The following SHANK2 variants were observed in gnomAD, a reference collection of about 807,000 sequenced individuals.
SHANK2 encodes SH3 and multiple ankyrin repeat domains protein 2.
Under a neutral mutation model 133.7 loss-of-function variants are expected in SHANK2, and 43 were observed. That is an observed-to-expected ratio of 0.32 (90% CI 0.25 to 0.41). The LOEUF (loss-of-function observed/expected upper bound fraction) is 0.41. SHANK2 is among the 10% of genes least tolerant of loss of function. The pLI is 1.00. For synonymous variants in SHANK2, 1,017 were observed against 952.8 expected (o/e 1.07, Z -1.24); for missense variants, 1,994 against 2,235.8 (o/e 0.89, Z 2.18).
Position 70,500,708 on chromosome 11 carries a change from G to C in SHANK2, c.2288-118C>G, listed in dbSNP as rs782037913. Reference sequence around the variant, plus strand: ...GAGCAGGCTGGGCCGGCAATGGGGCGGCAGGCAGGGGCTGTCTGGAACGCT... The same window carrying C: ...GAGCAGGCTGGGCCGGCAATGGGGCCGCAGGCAGGGGCTGTCTGGAACGCT... On this transcript the variant is annotated intron_variant, in intron 20 of 25. Transcript: ENST00000601538. The surrounding 1 kb of genome is among the most constrained non-coding windows in gnomAD (Gnocchi z 4.5). 7.5e-7 allele frequency: 1 copy of C among 1,327,468 alleles called. No individual in the cohort carries two copies. Among genetic ancestry groups the C allele is most frequent in the Non-Finnish European group, 1.1e-6 (1 of 942,328 alleles). 82.2% of individuals were successfully genotyped at this position (1,327,468 alleles called of 1,614,324 possible).
chr11:70,529,127 A>G (rs2059436406), intron 17 of SHANK2, among the ~76,000 whole-genome samples: 2 of 152,088 alleles, frequency 1.3e-5, no homozygotes, highest in African/African-American at 4.8e-5. Context: ...GTGCCTGGGG[A>G]GCCAGTGGCA....
intron 11 of SHANK2, chr11:70,863,526 T>C (rs1316003718): frequency 1.5e-5 from 7 of 457,894 alleles, no homozygotes; most frequent in East Asian, 1.4e-4. Context: ...CCTGCTCCCA[T>C]GCAAATCCTC....
At position 70,836,492 on chromosome 11, in the gene SHANK2, G is replaced by A. The variant is rs931019523; in HGVS notation, c.1175-15810C>T. ...GAAAGGACTTCCTGTGGGTGGCCCC[G>A]GGTGCCACCCAAGGCCTGGACCTCT... is the stretch of plus-strand genomic sequence containing the variant. On this transcript the variant is annotated intron_variant, in intron 11 of 25. Transcript: ENST00000601538. Among the ~76,000 whole-genome samples, 8 of 152,304 alleles carry A rather than the reference G, an allele frequency of 5.3e-5. No homozygotes were observed. The East Asian group carries it at 5.8e-4, about 11-fold the overall frequency.
At chr11:71,176,909 G>A (rs1953458375) in intron 2 of SHANK2, among the ~76,000 whole-genome samples, 1 of 151,998 alleles carries the variant, frequency 6.6e-6, no homozygotes, top group South Asian at 2.1e-4. Context: ...TTACACCAAG[G>A]CACAACATAA....
At chr11:70,887,784 C>A (rs1949769681) in intron 11 of SHANK2, among the ~76,000 whole-genome samples, 1 of 152,306 alleles carries the variant, frequency 6.6e-6, no homozygotes. Context: ...CCAACATCCA[C>A]CCCACACCCA....
At chr11:70,888,018 C>T (rs1273718625) in intron 11 of SHANK2, among the ~76,000 whole-genome samples, 2 of 152,170 alleles carry the variant, frequency 1.3e-5, no homozygotes, top group Admixed American at 6.5e-5. Context: ...TAAGACAAGT[C>T]TTGCTGAAGA....
chr11:71,100,134 T>G (rs1263526131), intron 6 of SHANK2, among the ~76,000 whole-genome samples: 4 of 151,740 alleles, frequency 2.6e-5, no homozygotes, highest in African/African-American at 7.3e-5. Flanking sequence ...GGGGAGGATG[T>G]GGAGCAACAG....
intron 2 of SHANK2, among the ~76,000 whole-genome samples, chr11:71,165,898 G>A (rs1365417997): frequency 6.6e-6 from 1 of 152,120 alleles, no homozygotes; most frequent in African/African-American, 2.4e-5. Context: ...CATGTCCGGG[G>A]AGCACCCTCC....
At chr11:70,719,509 C>T (rs540025029) in intron 14 of SHANK2, among the ~76,000 whole-genome samples, 13 of 152,234 alleles carry the variant, frequency 8.5e-5, no homozygotes, top group South Asian at 4.2e-4. Context: ...TAATCCTGCC[C>T]GCATGCAGCA....
chr11:70,537,531 G>T (rs1158325680), intron 17 of SHANK2, among the ~76,000 whole-genome samples: 1 of 152,222 alleles, frequency 6.6e-6, no homozygotes, highest in Non-Finnish European at 1.5e-5. Context: ...GCTAGAAGTG[G>T]CAGGAGGCCT....
At chr11:71,066,155 G>GTTGT (rs2135951694) in intron 9 of SHANK2, among the ~76,000 whole-genome samples, 1 of 34,678 alleles carries the variant, frequency 2.9e-5, no homozygotes, top group East Asian at 1.0e-3. Context: ...GGGTGGGGGG[G>GTTGT]GTGCAGAACT....
intron 2 of SHANK2, among the ~76,000 whole-genome samples, 194 bp from the exon 3 acceptor site, chr11:71,147,532 C>A (rs1231487400): frequency 2.0e-5 from 3 of 152,168 alleles, no homozygotes; most frequent in African/African-American, 7.2e-5. Flanking sequence ...AAGTCGGCAC[C>A]GCCTGCTCCT....
chr11:70,687,250 C>T (rs1345804252), intron 15 of SHANK2, among the ~76,000 whole-genome samples: 1 of 152,214 alleles, frequency 6.6e-6, no homozygotes, highest in Non-Finnish European at 1.5e-5. Flanking sequence ...GGGACCAGGA[C>T]CCCTGGCACC....
chr11:70,911,127 AT>A lies in SHANK2; in HGVS notation c.1108-14561del, dbSNP rs1447661215. ...GGTCTCCACATGCCTCTTTCCCCTA[AT>A]TTTTTGTACTGTTTTAATTCAGCTA... On this transcript the variant is annotated intron_variant, in intron 10 of 25. Transcript: ENST00000601538. The A allele has an allele frequency of 4.4e-5, 20 of 456,558 alleles. No individual in the cohort carries two copies. The Middle Eastern group carries it at 1.3e-3, about 29-fold the overall frequency. 28.3% of individuals were successfully genotyped at this position (456,558 alleles called of 1,614,324 possible).
intron 15 of SHANK2, among the ~76,000 whole-genome samples, chr11:70,690,486 A>ATGTTTT (rs1945258478): frequency 2.6e-5 from 1 of 38,782 alleles, no homozygotes; most frequent in Non-Finnish European, 4.9e-5. Flanking sequence ...AATACTTCCC[A>ATGTTTT]TGTTTTTTTT....
intron 14 of SHANK2, among the ~76,000 whole-genome samples, chr11:70,796,824 T>C (rs1392067168): frequency 6.6e-6 from 1 of 152,232 alleles, no homozygotes; most frequent in Non-Finnish European, 1.5e-5. Flanking sequence ...GGATCCAAGA[T>C]GGCAGCTCAC....
Position 71,147,147 on chromosome 11 carries a change from G to A in SHANK2, c.180C>T (p.Arg60=), listed in dbSNP as rs1354698181. 18 of 1,549,564 alleles carry A rather than the reference G, an allele frequency of 1.2e-5. No individual in the cohort carries two copies. Among genetic ancestry groups the A allele is most frequent in the East Asian group, 2.4e-5 (1 of 40,920 alleles). The change falls in exon 3 of 26, where the codon CGC becomes CGT. Residue 60 remains arginine (R), a synonymous_variant. Transcript: ENST00000601538. Reference sequence around the variant, plus strand: ...TCTGCTGCAGGTCATGGATGACCACGCGGATCACCAGCGTGTTGCCCTGGC... The same window carrying A: ...TCTGCTGCAGGTCATGGATGACCACACGGATCACCAGCGTGTTGCCCTGGC... ...EESQGNTLVI[R]VVIHDLQQTK... is the part of the protein sequence containing the mutation.
chr11:70,832,104 T>C (rs149483180), intron 11 of SHANK2, among the ~76,000 whole-genome samples: 1 of 152,344 alleles, frequency 6.6e-6, no homozygotes, highest in Non-Finnish European at 1.5e-5. Flanking sequence ...AGAAGTCCCA[T>C]GAGCTCTCTG....
intron 3 of SHANK2, among the ~76,000 whole-genome samples, chr11:71,133,688 C>T (rs1555104189): frequency 6.6e-6 from 1 of 152,046 alleles, no homozygotes; most frequent in African/African-American, 2.4e-5. Context: ...GGCCACACTC[C>T]ATGGACTCAA....
Sources: allele counts gnomAD v4.1 joint callset (sites outside exome capture counted in the v4.1 genomes callset), GRCh38; gene constraint gnomAD v4.1.1; non-coding constraint Gnocchi (gnomAD v3.1); transcripts MANE v1.5; gene names NCBI Gene and HGNC (gene_info 2026-07-23, HGNC 2026-07-21).